Variants in NOL4L observed in about 807,000 individuals in gnomAD.
NOL4L encodes the protein nucleolar protein 4-like.
NOL4L carries 7 observed loss-of-function variants against 64.5 expected under a neutral mutation model. That is an observed-to-expected ratio of 0.11 (90% CI 0.06 to 0.20). The LOEUF is 0.20. Among genes scored for constraint, NOL4L ranks in the 10% least tolerant of loss-of-function variants. NOL4L has a pLI of 1.00. For synonymous variants in NOL4L, 413 were observed against 401.0 expected, an observed-to-expected ratio of 1.03 and a Z score of -0.36; for missense variants, 680 against 967.1, an observed-to-expected ratio of 0.70 and a Z score of 3.94.
intron 1 of NOL4L, among the ~76,000 whole-genome samples, chr20:32,567,747 C>T (rs1162200135): frequency 1.3e-5 from 2 of 152,190 alleles, no homozygotes; most frequent in African/African-American, 2.4e-5. Flanking sequence ...TGCAAACACA[C>T]ACAGAGCACT....
At chr20:32,512,223 T>C (rs2017440298) in intron 3 of NOL4L, among the ~76,000 whole-genome samples, 1 of 152,188 alleles carries the variant, frequency 6.6e-6, no homozygotes, top group African/African-American at 2.4e-5. Context: ...CCTTATCATA[T>C]TGCACAGCTT....
intron 5 of NOL4L, among the ~76,000 whole-genome samples, chr20:32,458,506 C>T (rs2013759103): frequency 6.6e-6 from 1 of 152,212 alleles, no homozygotes; most frequent in African/African-American, 2.4e-5. Flanking sequence ...GACCCTGTCA[C>T]CAGAGAAGCC....
At chr20:32,584,087 T>A (rs1043989239) in intron 1 of NOL4L, among the ~76,000 whole-genome samples, 1 of 98,400 alleles carries the variant, frequency 1.0e-5, no homozygotes, top group East Asian at 5.3e-4. Flanking sequence ...CGGCTGCCCC[T>A]GCCTCCCTCC....
chr20:32,483,789 C>G (rs2015911535), intron 4 of NOL4L, among the ~76,000 whole-genome samples: 1 of 127,700 alleles, frequency 7.8e-6, no homozygotes, highest in Non-Finnish European at 1.6e-5. Context: ...AAGGAGGCAC[C>G]CAGGGAGAGG....
intron 1 of NOL4L, among the ~76,000 whole-genome samples, chr20:32,551,083 A>T (rs896027682): frequency 6.6e-6 from 1 of 151,916 alleles, no homozygotes; most frequent in Non-Finnish European, 1.5e-5. Context: ...ATACAGTATT[A>T]TAATAATTTA....
At chr20:32,550,688 T>C (rs927497271) in intron 1 of NOL4L, among the ~76,000 whole-genome samples, 3 of 152,168 alleles carry the variant, frequency 2.0e-5, no homozygotes, top group African/African-American at 7.2e-5. Flanking sequence ...GAGACCAGAC[T>C]GACCATCATG....
chr20:32,479,042 GCAA>G (rs1208788272), intron 4 of NOL4L, among the ~76,000 whole-genome samples: 2 of 152,246 alleles, frequency 1.3e-5, no homozygotes, highest in Non-Finnish European at 2.9e-5. Context: ...AGACCCCTCT[GCAA>G]CCTGTCTGGC....
intron 4 of NOL4L, chr20:32,486,821 T>C (rs1372346348): frequency 2.1e-6 from 1 of 467,724 alleles, no homozygotes; most frequent in Non-Finnish European, 4.4e-6. Flanking sequence ...ACAGCATCAC[T>C]TGAGCCATGT....
chr20:32,491,802 G>T (rs1179200825), intron 4 of NOL4L, among the ~76,000 whole-genome samples: 1 of 152,188 alleles, frequency 6.6e-6, no homozygotes, highest in Non-Finnish European at 1.5e-5. Flanking sequence ...ACAATAAAAT[G>T]AACACAGATG....
chr20:32,501,547 T>C (rs938887213), intron 4 of NOL4L, among the ~76,000 whole-genome samples: 3 of 152,216 alleles, frequency 2.0e-5, no homozygotes, highest in African/African-American at 4.8e-5. Flanking sequence ...TCATTAGTGG[T>C]AACAAATGTA....
chr20:32,518,823 G>T (rs118074910), intron 3 of NOL4L, among the ~76,000 whole-genome samples: 2 of 152,228 alleles, frequency 1.3e-5, no homozygotes, highest in African/African-American at 4.8e-5. Flanking sequence ...CCCATCTGCA[G>T]GTACCAAATG....
intron 4 of NOL4L, among the ~76,000 whole-genome samples, chr20:32,497,718 G>A (rs975921256): frequency 6.6e-6 from 1 of 152,204 alleles, no homozygotes; most frequent in African/African-American, 2.4e-5. Flanking sequence ...CCCAGCCCAG[G>A]AAAGACGTCT....
At chr20:32,558,918 G>A (rs551099523) in intron 1 of NOL4L, among the ~76,000 whole-genome samples, 6 of 152,330 alleles carry the variant, frequency 3.9e-5, no homozygotes, top group East Asian at 1.9e-4. Context: ...CAGGGGCAGC[G>A]GAGGGGCCGC....
intron 4 of NOL4L, among the ~76,000 whole-genome samples, chr20:32,487,331 T>G (rs2016132630): frequency 7.2e-6 from 1 of 138,850 alleles, no homozygotes; most frequent in Non-Finnish European, 1.5e-5. Flanking sequence ...TTAGATCCTG[T>G]AGAGATGGAA....
chr20:32,559,845 C>T (rs1244221639), intron 1 of NOL4L, among the ~76,000 whole-genome samples: 1 of 152,226 alleles, frequency 6.6e-6, no homozygotes, highest in Admixed American at 6.5e-5. Context: ...CAAGCTGTCC[C>T]AAGGGACCAC....
chr20:32,498,768 A>C (rs866349231), intron 4 of NOL4L, among the ~76,000 whole-genome samples: 1 of 129,026 alleles, frequency 7.8e-6, no homozygotes, highest in Non-Finnish European at 1.6e-5. Flanking sequence ...TGTCTCAATA[A>C]AAAAAAAAAA....
intron 2 of NOL4L, among the ~76,000 whole-genome samples, chr20:32,521,893 C>A (rs2145574856): frequency 6.6e-6 from 1 of 152,374 alleles, no homozygotes; most frequent in South Asian, 2.1e-4. Context: ...CACTAAGGGG[C>A]AGCATCACCC....
rs1437631244 is a variant in NOL4L at position 32,444,390 on chromosome 20, C to A, written c.*3206G>T. ...AAGTATCAACCCTCTGAGTTCAAAG[C>A]AGCATTTTGAAAATGAACTGGTAGT... On this transcript the variant is annotated 3_prime_UTR_variant, in exon 11 of 11. Coordinates refer to ENST00000621426, the MANE Select transcript of NOL4L (RefSeq NM_001256798.2). 1 of 152,152 alleles carries A rather than the reference C, an allele frequency of 6.6e-6. No homozygotes were observed. Among genetic ancestry groups the A allele is most frequent in the African/African-American group, 2.4e-5 (1 of 41,420 alleles). The allele number at this position is 152,152 out of a possible 1,614,324, so 9.4% of individuals were successfully genotyped here. A position where few individuals can be genotyped will look rare whatever the true frequency, so the allele number is the denominator to read the frequency against.
intron 4 of NOL4L, among the ~76,000 whole-genome samples, chr20:32,478,650 T>C (rs1433245482): frequency 1.3e-5 from 2 of 152,216 alleles, no homozygotes; most frequent in African/African-American, 4.8e-5. Context: ...TCACATAGGC[T>C]GGAGTACAGT....
Sources: allele counts gnomAD v4.1 joint callset (sites outside exome capture counted in the v4.1 genomes callset), GRCh38; gene constraint gnomAD v4.1.1; transcripts MANE v1.5; gene names NCBI Gene and HGNC (gene_info 2026-07-23, HGNC 2026-07-21).